Variants in DYM observed in about 807,000 individuals in gnomAD.
The protein encoded by DYM is dyggve-Melchior-Clausen syndrome protein.
A neutral mutation model predicts 93.1 loss-of-function variants in DYM; 78 were observed. The ratio of observed to expected loss-of-function variants is 0.84; its 90% CI spans 0.70 to 1.01. The LOEUF (loss-of-function observed/expected upper bound fraction) is 1.01. DYM is among the 50% of genes least tolerant of loss of function. The probability of loss-of-function intolerance (pLI) is 0.00; values close to 1 mark genes in which losing one functional copy is unlikely to be tolerated. For missense variants in DYM, 789 were observed against 845.0 expected, an observed-to-expected ratio of 0.93 and a Z score of 0.82; for synonymous variants, 321 against 319.7, an observed-to-expected ratio of 1.00 and a Z score of -0.04.
chr18:49,430,644 T>C (rs984053522), intron 1 of DYM, among the ~76,000 whole-genome samples, 197 bp from the exon 2 acceptor site: 1 of 152,092 alleles, frequency 6.6e-6, no homozygotes, highest in Non-Finnish European at 1.5e-5. Flanking sequence ...CCCAACACTT[T>C]GGGAGGCTGA....
intron 11 of DYM, 81 bp downstream of exon 11, chr18:49,272,097 A>G: frequency 7.7e-7 from 1 of 1,298,584 alleles, no homozygotes; most frequent in Non-Finnish European, 1.1e-6. Context: ...TACCAGAAAG[A>G]AATGTAAAGA....
intron 3 of DYM, among the ~76,000 whole-genome samples, chr18:49,390,406 G>A (rs944497926): frequency 4.0e-5 from 6 of 151,860 alleles, no homozygotes; most frequent in African/African-American, 1.5e-4. Flanking sequence ...CTCCAGCCTG[G>A]GCAGCAAAGC....
intron 13 of DYM, among the ~76,000 whole-genome samples, chr18:49,215,061 G>A (rs1162812600): frequency 6.6e-6 from 1 of 152,210 alleles, no homozygotes; most frequent in Non-Finnish European, 1.5e-5. Context: ...TCATTCCACA[G>A]ATATGTAAAT....
chr18:49,194,340 C>T (rs966202672), intron 14 of DYM, among the ~76,000 whole-genome samples: 1 of 152,062 alleles, frequency 6.6e-6, no homozygotes, highest in Admixed American at 6.6e-5. Context: ...ACCTACACAC[C>T]CACACCTACA....
chr18:49,308,701 T>C lies in DYM; in HGVS notation c.764-22085A>G, dbSNP rs186494498. ...CTGGCTTCAGGTTAGGGTCTGACAA[T>C]GGGAGACACTGGCGGGAGACGGGAA... On this transcript the variant is annotated intron_variant, in intron 8 of 17. Transcript: ENST00000675505. Among the ~76,000 whole-genome samples the C allele has an allele frequency of 6.1e-3, 922 of 152,170 alleles. 6 individuals are homozygous for C. The highest frequency in any genetic ancestry group is 0.014 in the Middle Eastern group (4 of 294).
At chr18:49,218,158 A>T (rs1470495895) in intron 13 of DYM, among the ~76,000 whole-genome samples, 1 of 152,218 alleles carries the variant, frequency 6.6e-6, no homozygotes, top group Non-Finnish European at 1.5e-5. Flanking sequence ...GAGAGAAAGA[A>T]GGCCATTACA....
chr18:49,289,373 A>T (rs1176726902), intron 8 of DYM, among the ~76,000 whole-genome samples: 4 of 149,244 alleles, frequency 2.7e-5, no homozygotes, highest in South Asian at 2.1e-4. Flanking sequence ...CATGCATAAC[A>T]AAAGGATTTT....
chr18:49,133,307 A>G (rs1265258798), intron 15 of DYM, among the ~76,000 whole-genome samples: 1 of 152,196 alleles, frequency 6.6e-6, no homozygotes, highest in Non-Finnish European at 1.5e-5. Context: ...GTGGATGTCT[A>G]TTGCACAATA....
At chr18:49,092,834 C>T (rs1302141076) in intron 17 of DYM, among the ~76,000 whole-genome samples, 8 of 152,062 alleles carry the variant, frequency 5.3e-5, no homozygotes, top group Admixed American at 3.9e-4. Context: ...GAAAGCTTAG[C>T]GGTAAGAGAC....
At chr18:49,181,506 G>A (rs2089921462) in intron 14 of DYM, among the ~76,000 whole-genome samples, 1 of 152,062 alleles carries the variant, frequency 6.6e-6, no homozygotes, top group South Asian at 2.1e-4. Flanking sequence ...TTGAATTCCT[G>A]CAAATTTTGG....
intron 8 of DYM, among the ~76,000 whole-genome samples, chr18:49,314,310 G>A (rs1461230252): frequency 6.6e-6 from 1 of 152,190 alleles, no homozygotes; most frequent in Non-Finnish European, 1.5e-5. Flanking sequence ...GTTTATATGA[G>A]TAGCTGTAGG....
intron 17 of DYM, among the ~76,000 whole-genome samples, chr18:49,092,499 C>T (rs942285684): frequency 2.6e-5 from 4 of 152,208 alleles, no homozygotes; most frequent in South Asian, 4.1e-4. Context: ...AGCTCTGCAA[C>T]GCAAGGGGGT....
chr18:49,347,738 T>TA (rs2064723307), intron 6 of DYM, among the ~76,000 whole-genome samples: 1 of 152,216 alleles, frequency 6.6e-6, no homozygotes, highest in Admixed American at 6.5e-5. Flanking sequence ...TTGGCTATCT[T>TA]AAGTGCCAAA....
At chr18:49,159,856 TATA>T (rs2086886919) in intron 15 of DYM, among the ~76,000 whole-genome samples, 1 of 152,214 alleles carries the variant, frequency 6.6e-6, no homozygotes, top group Non-Finnish European at 1.5e-5. Context: ...AAACAAAGCT[TATA>T]TGGTACAGTA....
rs1014104514 is a variant in DYM at position 49,263,204 on chromosome 18, C to T, written c.1252-4711G>A. 5.9e-5 allele frequency among the ~76,000 whole-genome samples: 9 copies of T among 151,904 alleles called. No homozygotes were observed. In the South Asian group the frequency reaches 6.2e-4, roughly 11 times the overall value. The stretch of plus-strand genomic sequence containing the variant: ...CACGATCTCGGCTCACTGCAACCTC[C>T]GCCTCCTGGGTTCAAGTAATTCTCC... On this transcript the variant is annotated intron_variant, in intron 11 of 17. Transcript: ENST00000675505.
chr18:49,261,953 GT>G (rs2094497079), intron 11 of DYM, among the ~76,000 whole-genome samples: 1 of 130,242 alleles, frequency 7.7e-6, no homozygotes, highest in Non-Finnish European at 1.7e-5. Context: ...GCATTCCTTT[GT>G]GTGTTTTCTA....
rs564496114 is a variant in DYM at position 49,039,101 on chromosome 18, G to A, written c.*4954C>T. On this transcript the variant is annotated 3_prime_UTR_variant, in exon 18 of 18. Coordinates refer to ENST00000675505, the MANE Select transcript of DYM (RefSeq NM_001353214.3). ...TTTTAAATTTTCCTTTAGGGTAGGCGTGCTGATTAATTCTTCTAGCTGTTT... is the reference window on the plus strand; with the variant it reads ...TTTTAAATTTTCCTTTAGGGTAGGCATGCTGATTAATTCTTCTAGCTGTTT... 5.0e-4 allele frequency among the ~76,000 whole-genome samples: 76 copies of A among 152,198 alleles called. 1 individual carries two copies. In the South Asian group the frequency reaches 0.01, roughly 20 times the overall value.
At chr18:49,192,234 T>A (rs1393575594) in intron 14 of DYM, among the ~76,000 whole-genome samples, 1 of 151,946 alleles carries the variant, frequency 6.6e-6, no homozygotes, top group African/African-American at 2.4e-5. Context: ...TAGCAAGTCA[T>A]TTAATCACTC....
intron 5 of DYM, among the ~76,000 whole-genome samples, chr18:49,373,929 C>G (rs532051866): frequency 6.6e-6 from 1 of 152,140 alleles, no homozygotes; most frequent in East Asian, 1.9e-4. Context: ...ACATGAAGGC[C>G]AGCATTAACA....
Sources: gnomAD v4.1 joint callset for allele counts (sites outside exome capture counted in the v4.1 genomes callset) on GRCh38, gnomAD v4.1.1 for gene constraint, MANE v1.5 for transcripts, NCBI Gene and HGNC (gene_info 2026-07-23, HGNC 2026-07-21) for gene names.